The following USP54 variants were observed in gnomAD, a reference collection of about 807,000 sequenced individuals.
USP54 encodes the protein ubiquitin specific peptidase 54.
In USP54, 87 loss-of-function variants were observed where a neutral mutation model predicts 170.5. That is an observed-to-expected ratio of 0.51 (90% confidence interval 0.43 to 0.61). The LOEUF is 0.61. USP54 is among the 20% of genes least tolerant of loss of function. The pLI, the probability that USP54 is intolerant of heterozygous loss-of-function variation, is 0.00. For synonymous variants in USP54, 655 were observed against 742.8 expected (o/e 0.88, Z 1.92); for missense variants, 1,786 against 2,047.8 (o/e 0.87, Z 2.47).
At chr10:73,569,106 A>T (rs1223936443) in intron 4 of USP54, among the ~76,000 whole-genome samples, 3 of 152,106 alleles carry the variant, frequency 2.0e-5, no homozygotes, top group Non-Finnish European at 4.4e-5. Flanking sequence ...AAGAGTTTCC[A>T]GTGTCAGACA....
At chr10:73,560,900 C>T (rs191313083) in intron 4 of USP54, among the ~76,000 whole-genome samples, 1,875 of 150,674 alleles carry the variant, frequency 0.012, 41 homozygotes, top group African/African-American at 0.042. Context: ...GTCAGGAGTT[C>T]GAGACCAGCC....
At chr10:73,543,917 T>C (rs915321810) in intron 5 of USP54, among the ~76,000 whole-genome samples, 53 of 152,026 alleles carry the variant, frequency 3.5e-4, no homozygotes, top group African/African-American at 1.2e-3. Context: ...TCAAGAATGT[T>C]ATATAAATGG....
chr10:73,517,038 G>A lies in USP54; in HGVS notation c.3388C>T (p.Arg1130Cys), dbSNP rs1490811854. The A allele has an allele frequency of 1.9e-5, 30 of 1,614,060 alleles. No individual in the cohort carries two copies. In the East Asian group the frequency reaches 2.4e-4, roughly 13 times the overall value. ...CTCTGGAACTGCTCAGCCAGAGAAC[G>A]GACAAGCCCCTTTGTGCTGGGAAAC... ...PEFPSTKGLV[R>C]SLAEQFQRMQ... is the part of the protein sequence containing the mutation. The change falls in exon 20 of 24, where the codon CGT (arginine) becomes TGT (cysteine). Residue 1130 changes from arginine (R) to cysteine (C), a missense_variant. Arg to Cys is a radical substitution (Grantham distance 180). Around this residue, in one of 3 missense-constraint regions of USP54, gnomAD observed 1,418 missense variants for 1,569.0 expected, o/e 0.90. Transcript: ENST00000687698.
Position 73,516,825 on chromosome 10 carries a change from C to T in USP54, c.3601G>A (p.Glu1201Lys). 6.2e-7 allele frequency: 1 copy of T among 1,614,280 alleles called. No individual in the cohort carries two copies. The highest frequency in any genetic ancestry group is 2.2e-5 in the East Asian group (1 of 44,896). The change falls in exon 20 of 24, where the codon GAG (glutamate) becomes AAG (lysine). Residue 1201 changes from glutamate to lysine, a missense_variant. By Grantham distance (56) the Glu-to-Lys change is moderately conservative. This residue lies in a region of USP54 where 1,418 missense variants were observed against 1,569.0 expected (regional missense o/e 0.90). Coordinates refer to ENST00000687698, the MANE Select transcript of USP54 (RefSeq NM_001391956.1). ...GCAAGAGAAGAATGTTCAGTGGACT[C>T]TTCCCAGGAAAGTGGTCTATCCCCA... ...EGGDRPLSWEESTEHSSLALN... is the reference protein window; with the variant it reads ...EGGDRPLSWEKSTEHSSLALN...
chr10:73,499,272 C>A, intron 23 of USP54, 84 bp from the exon 24 acceptor site: 4 of 1,344,864 alleles, frequency 3.0e-6, no homozygotes, highest in Non-Finnish European at 3.0e-6. Flanking sequence ...GCTGTGTAGC[C>A]CAATTCCCTA....
At chr10:73,595,927 T>C (rs1291329163), upstream of USP54, among the ~76,000 whole-genome samples, 5 of 151,720 alleles carry the variant, frequency 3.3e-5, no homozygotes, top group Non-Finnish European at 7.4e-5. Context: ...CTGGCCAACA[T>C]GGTGAAAAAC....
In USP54 at chr10:73,539,307, A is replaced by AAT. The variant is rs1216109438; in HGVS notation, c.975+135_975+136dup. On this transcript the variant is annotated intron_variant, in intron 10 of 23. Coordinates refer to ENST00000687698, the MANE Select transcript of USP54 (RefSeq NM_001391956.1). ...AAAAAAAAAAATTAAAAAAAAAAAA[A>AAT]ATATATATATATATATGTTTTATAG... 855 of 279,516 alleles carry AAT rather than the reference A, an allele frequency of 3.1e-3. 2 individuals carry two copies. Among genetic ancestry groups the AAT allele is most frequent in the East Asian group, 0.019 (139 of 7,182 alleles). 17.3% of individuals were successfully genotyped at this position (279,516 alleles called of 1,614,324 possible). A position where few individuals can be genotyped will look rare whatever the true frequency, so the allele number is the denominator to read the frequency against.
chr10:73,560,664 A>C (rs1383488752), intron 4 of USP54, among the ~76,000 whole-genome samples: 3 of 107,220 alleles, frequency 2.8e-5, no homozygotes, highest in Non-Finnish European at 5.4e-5. Flanking sequence ...ACTCCGTCTC[A>C]AAAAAAAAAA....
At chr10:73,531,180 C>T (rs1012440756) in intron 12 of USP54, among the ~76,000 whole-genome samples, 1 of 151,988 alleles carries the variant, frequency 6.6e-6, no homozygotes, top group African/African-American at 2.4e-5. Context: ...TGCCTGTAGT[C>T]CCAGCTACTG....
intron 4 of USP54, among the ~76,000 whole-genome samples, chr10:73,569,935 A>C (rs1310872329): frequency 2.9e-5 from 4 of 136,176 alleles, no homozygotes; most frequent in Non-Finnish European, 3.1e-5. Context: ...AAAAAAAAAA[A>C]AAAAACACCC....
intron 9 of USP54, among the ~76,000 whole-genome samples, chr10:73,540,110 A>AAAAG (rs895725559): frequency 1.2e-4 from 18 of 151,934 alleles, no homozygotes; most frequent in Admixed American, 6.6e-4. Flanking sequence ...CCATCTCAAA[A>AAAAG]AAAGAAAGAA....
chr10:73,538,385 G>A (rs575870108), intron 10 of USP54: 3 of 152,092 alleles, frequency 2.0e-5, no homozygotes, highest in African/African-American at 7.2e-5. Flanking sequence ...AGCCCAAAAG[G>A]TGATAACATC....
intron 10 of USP54, 60 bp from the exon 11 acceptor site, chr10:73,536,497 A>G (rs892222470): frequency 2.0e-5 from 29 of 1,434,932 alleles, no homozygotes; most frequent in East Asian, 2.5e-5. Context: ...AATTCACAAC[A>G]TATCTTTCTG....
intron 1 of USP54, among the ~76,000 whole-genome samples, chr10:73,624,802 A>G (rs2081391957): frequency 6.6e-6 from 1 of 152,198 alleles, no homozygotes; most frequent in African/African-American, 2.4e-5. Context: ...CCTGAGAGAC[A>G]TCTTTTATTT....
rs145377545 is a variant in USP54, at chr10:73,517,452, A to C, written c.2974T>G (p.Leu992Val). 1.2e-6 allele frequency: 2 copies of C among 1,614,082 alleles called. No homozygotes were observed. The highest frequency in any genetic ancestry group is 1.7e-5 in the Admixed American group (1 of 60,004). The part of the protein sequence containing the change: ...EKNSHHSWEP[L>V]DAPEGKLQGS... ...TGCAGCTTACCCTCTGGGGCATCCA[A>C]TGGCTCCCAACTATGATGAGAATTC... Residue 992 changes from leucine to valine, a missense_variant, in exon 20 of 24, where the codon TTG (leucine) becomes GTG (valine). By Grantham distance (32) the Leu-to-Val change is conservative (BLOSUM62 1). Transcript: ENST00000687698.
At chr10:73,574,913 T>C (rs1244069724) in intron 3 of USP54, among the ~76,000 whole-genome samples, 1 of 149,212 alleles carries the variant, frequency 6.7e-6, no homozygotes, top group Non-Finnish European at 1.5e-5. Context: ...GTAGAGACTG[T>C]TCAGGAAAAA....
chr10:73,587,468 C>A (rs978890742), intron 1 of USP54, among the ~76,000 whole-genome samples: 2 of 151,506 alleles, frequency 1.3e-5, no homozygotes, highest in Admixed American at 1.3e-4. Flanking sequence ...GAGCGAGACT[C>A]CATCTCAAAA....
At chr10:73,607,913 T>A (rs2079810906) in intron 1 of USP54, among the ~76,000 whole-genome samples, 1 of 151,406 alleles carries the variant, frequency 6.6e-6, no homozygotes, top group Admixed American at 6.6e-5. Context: ...ATTAAATGAG[T>A]TGCAGTGTGC....
At chr10:73,539,768 G>T (rs1023680698) in intron 9 of USP54, among the ~76,000 whole-genome samples, 175 bp from the exon 10 acceptor site, 1 of 152,150 alleles carries the variant, frequency 6.6e-6, no homozygotes, top group Non-Finnish European at 1.5e-5. Context: ...AGCACTTTGT[G>T]AGGCCAAGGT....
Sources: allele counts gnomAD v4.1 joint callset (sites outside exome capture counted in the v4.1 genomes callset), GRCh38; gene constraint gnomAD v4.1.1; regional missense constraint gnomAD v4.1.1; transcripts MANE v1.5; gene names NCBI Gene and HGNC (gene_info 2026-07-23, HGNC 2026-07-21).